The following HEATR4 variants were observed in gnomAD, a reference collection of about 807,000 sequenced individuals.
HEATR4 encodes the protein HEAT repeat-containing protein 4.
A neutral mutation model predicts 108.8 loss-of-function variants in HEATR4; 95 were observed. That is an observed-to-expected ratio of 0.87 (90% CI 0.74 to 1.04). The LOEUF (loss-of-function observed/expected upper bound fraction) is 1.04. Ranked by LOEUF, HEATR4 falls within the 50% of genes least tolerant of loss-of-function variation. The pLI is 0.00. For synonymous variants in HEATR4, 443 were observed against 459.4 expected, an observed-to-expected ratio of 0.96 and a Z score of 0.46; for missense variants, 1,152 against 1,253.8, an observed-to-expected ratio of 0.92 and a Z score of 1.23.
Position 73,509,860 on chromosome 14 carries a change from ATATATATATT to A in HEATR4, c.1559-397_1559-388del, listed in dbSNP as rs1887119077. ...TATATATATATATATATATATATAT[ATATATATATT>A]TATTTATTTTATATATTTTTTGAGA... On this transcript the variant is annotated intron_variant, in intron 7 of 17. Coordinates refer to ENST00000553558, the MANE Select transcript of HEATR4 (RefSeq NM_001220484.1). Among the ~76,000 whole-genome samples, 54 of 63,356 alleles carry A rather than the reference ATATATATATT, an allele frequency of 8.5e-4. 4 individuals carry two copies. The highest frequency in any genetic ancestry group is 3.4e-3 in the South Asian group (8 of 2,362). 41.6% of individuals were successfully genotyped at this position (63,356 alleles called of 152,430 possible).
Position 73,485,591 on chromosome 14 carries a change from G to A in HEATR4, c.2845-6749C>T, listed in dbSNP as rs571432198. Reference sequence around the variant, plus strand: ...CTAATTTTTGTATTTAAAATTTTTCGGCTTGGCATGGCAGCTCATTCCTGT... The same window carrying A: ...CTAATTTTTGTATTTAAAATTTTTCAGCTTGGCATGGCAGCTCATTCCTGT... On this transcript the variant is annotated intron_variant, in intron 17 of 17. Coordinates refer to ENST00000553558, the MANE Select transcript of HEATR4 (RefSeq NM_001220484.1). Among the ~76,000 whole-genome samples, 5 of 151,998 alleles carry A rather than the reference G, an allele frequency of 3.3e-5. No individual in the cohort carries two copies. In the South Asian group the frequency reaches 8.3e-4, roughly 25 times the overall value.
the HEATR4 span, chr14:73,581,595 T>C: frequency 7.0e-6 from 1 of 143,368 alleles, no homozygotes; most frequent in South Asian, 2.3e-4. Context: ...TATTAGTTAT[T>C]AGAGCTAATC....
the HEATR4 span, among the ~76,000 whole-genome samples, chr14:73,606,601 G>A: frequency 2.0e-5 from 3 of 152,146 alleles, no homozygotes; most frequent in Non-Finnish European, 4.4e-5. Context: ...CCCATTGGGT[G>A]GTTACAAAAC....
intron 2 of HEATR4, among the ~76,000 whole-genome samples, chr14:73,528,254 G>C (rs1210520667): frequency 6.6e-6 from 1 of 151,852 alleles, no homozygotes; most frequent in Middle Eastern, 3.2e-3. Flanking sequence ...AAATTAGCGG[G>C]TGTGGTGGTG....
chr14:73,503,644 A>T (rs1595100938), intron 10 of HEATR4, among the ~76,000 whole-genome samples: 1 of 149,488 alleles, frequency 6.7e-6, no homozygotes, highest in Non-Finnish European at 1.5e-5. Context: ...TAAAAATTTT[A>T]AAAAATAAAA....
intron 6 of HEATR4, among the ~76,000 whole-genome samples, chr14:73,512,812 C>T (rs1228143415): frequency 2.0e-5 from 3 of 152,034 alleles, no homozygotes; most frequent in East Asian, 1.9e-4. Flanking sequence ...TAGGTGTTTC[C>T]TTCAGTCTTT....
chr14:73,629,135 C>T, the HEATR4 span, among the ~76,000 whole-genome samples: 2 of 152,002 alleles, frequency 1.3e-5, no homozygotes, highest in Non-Finnish European at 2.9e-5. Context: ...GAGTCTGTGG[C>T]CTTCAAATGG....
chr14:73,508,393 A>T lies in HEATR4; in HGVS notation c.1721-99T>A. Reference sequence around the variant, plus strand: ...ACCCAAGGCTGCTACCCCACCTGATATCTCACTTCCTTGTGCCCCACTCAG... The same window carrying T: ...ACCCAAGGCTGCTACCCCACCTGATTTCTCACTTCCTTGTGCCCCACTCAG... On this transcript the variant is annotated intron_variant, in intron 8 of 17. Transcript: ENST00000553558. 9.6e-6 allele frequency: 9 copies of T among 941,942 alleles called. No homozygotes were observed. In the South Asian group the frequency reaches 1.3e-4, roughly 14 times the overall value. 58.3% of individuals were successfully genotyped at this position (941,942 alleles called of 1,614,324 possible). A position where few individuals can be genotyped will look rare whatever the true frequency, so the allele number is the denominator to read the frequency against.
chr14:73,556,244 C>T lies in HEATR4; in HGVS notation c.-152+2507G>A, dbSNP rs1424981516. ...TTCAAGAGCAGCATGGCCAACATGGCGAAACCCCATCTCTACTAAAAATAC... is the reference window on the plus strand; with the variant it reads ...TTCAAGAGCAGCATGGCCAACATGGTGAAACCCCATCTCTACTAAAAATAC... On this transcript the variant is annotated intron_variant, in intron 1 of 17. Transcript: ENST00000553558. Among the ~76,000 whole-genome samples, 6 of 108,532 alleles carry T rather than the reference C, an allele frequency of 5.5e-5. 1 individual carries two copies. Among genetic ancestry groups the T allele is most frequent in the African/African-American group, 8.8e-5 (3 of 33,968 alleles). The allele number at this position is 108,532 out of a possible 152,430, so 71.2% of individuals were successfully genotyped here. A position where few individuals can be genotyped will look rare whatever the true frequency, so the allele number is the denominator to read the frequency against.
At chr14:73,568,067 T>G in the HEATR4 span, 1 of 152,154 alleles carries the variant, frequency 6.6e-6, no homozygotes, top group Non-Finnish European at 1.5e-5. Context: ...AGACACAGAA[T>G]TATTTGCCTT....
At chr14:73,612,683 C>G in the HEATR4 span, 23 of 1,406,908 alleles carry the variant, frequency 1.6e-5, no homozygotes, top group Non-Finnish European at 9.2e-7. Flanking sequence ...GCGCACGTCC[C>G]TGCGCGACGA....
At chr14:73,528,670 C>A (rs1426935494) in intron 2 of HEATR4, among the ~76,000 whole-genome samples, 1 of 152,122 alleles carries the variant, frequency 6.6e-6, no homozygotes, top group Non-Finnish European at 1.5e-5. Flanking sequence ...GAGTCTGATA[C>A]CTGTTCTAAT....
intron 7 of HEATR4, 95 bp downstream of exon 7, chr14:73,511,911 A>G: frequency 2.0e-6 from 3 of 1,482,906 alleles, no homozygotes; most frequent in South Asian, 1.2e-5. Context: ...CATTTGTAAA[A>G]TGATCTCAGA....
chr14:73,501,215 T>C (rs1595097081), intron 11 of HEATR4, among the ~76,000 whole-genome samples: 1 of 151,588 alleles, frequency 6.6e-6, no homozygotes, highest in Non-Finnish European at 1.5e-5. Flanking sequence ...GCCTCCTGGG[T>C]TCACGCCATT....
chr14:73,521,093 C>A (rs1219049135), intron 3 of HEATR4, 54 bp from the exon 4 acceptor site: 2 of 1,478,896 alleles, frequency 1.4e-6, no homozygotes, highest in Non-Finnish European at 1.9e-6. Context: ...AGGTGGATCC[C>A]CCTTTCCATT....
In HEATR4 at chr14:73,503,033, T is replaced by A. The variant is rs1886576755; in HGVS notation, c.1987-20A>T. Reference sequence around the variant, plus strand: ...CATATCCTATAAATAGGTATGATCATTAGGTATCATCACTTAATGAATGTT... The same window carrying A: ...CATATCCTATAAATAGGTATGATCAATAGGTATCATCACTTAATGAATGTT... On this transcript the variant is annotated intron_variant, in intron 10 of 17. Coordinates refer to ENST00000553558, the MANE Select transcript of HEATR4 (RefSeq NM_001220484.1). 1 of 1,549,888 alleles carries A rather than the reference T, an allele frequency of 6.5e-7. No homozygotes were observed. Among genetic ancestry groups the A allele is most frequent in the South Asian group, 1.1e-5 (1 of 89,892 alleles).
intron 4 of HEATR4, among the ~76,000 whole-genome samples, 156 bp from the exon 5 acceptor site, chr14:73,519,319 G>A (rs1025603402): frequency 2.0e-5 from 3 of 152,046 alleles, no homozygotes; most frequent in African/African-American, 7.2e-5. Context: ...CCTTGAAGGT[G>A]ACCATTGCTT....
the HEATR4 span, among the ~76,000 whole-genome samples, chr14:73,567,349 C>A: frequency 6.6e-6 from 1 of 152,046 alleles, no homozygotes; most frequent in Non-Finnish European, 1.5e-5. Flanking sequence ...AGGTGAAGAC[C>A]GCTGGGCTTC....
Position 73,500,729 on chromosome 14 carries a change from C to T in HEATR4, c.2107G>A (p.Val703Ile). 1 of 1,612,086 alleles carries T rather than the reference C, an allele frequency of 6.2e-7. No homozygotes were observed. The change falls in exon 12 of 18, where the codon GTC becomes ATC. Residue 703 changes from valine (V) to isoleucine (I), a missense_variant and splice_region_variant. Transcript: ENST00000553558. The part of the protein sequence containing the change: ...LGKEVHDIIR[V>I]KLGQGNSQER... ...TGGGAATTTCCTTGACCTAGCTTGACCCTGTAAGGCACAAGTTGCTTTCCT... is the reference window on the plus strand; with the variant it reads ...TGGGAATTTCCTTGACCTAGCTTGATCCTGTAAGGCACAAGTTGCTTTCCT...
Sources: allele counts gnomAD v4.1 joint callset (sites outside exome capture counted in the v4.1 genomes callset), GRCh38; gene constraint gnomAD v4.1.1; transcripts MANE v1.5; gene names NCBI Gene and HGNC (gene_info 2026-07-23, HGNC 2026-07-21).